The following SRC variants were observed in gnomAD, a reference collection of about 807,000 sequenced individuals.
SRC encodes the protein proto-oncogene tyrosine-protein kinase Src.
SRC carries 13 observed loss-of-function variants against 62.9 expected under a neutral mutation model. The ratio of observed to expected loss-of-function variants is 0.21; its 90% CI spans 0.13 to 0.33. SRC has a LOEUF of 0.33. Ranked by LOEUF, SRC falls within the 10% of genes least tolerant of loss-of-function variation. SRC has a pLI of 1.00. For synonymous variants in SRC, 302 were observed against 317.5 expected, an observed-to-expected ratio of 0.95 and a Z score of 0.52; for missense variants, 457 against 737.3, an observed-to-expected ratio of 0.62 and a Z score of 4.40.
At chr20:37,372,424 T>C (rs1420006060) in intron 2 of SRC, among the ~76,000 whole-genome samples, 1 of 152,234 alleles carries the variant, frequency 6.6e-6, no homozygotes, top group Admixed American at 6.5e-5. Flanking sequence ...TTTTTGGTGA[T>C]TTATTCTTTG....
chr20:37,386,318 C>T (rs1425381693), intron 5 of SRC, 144 bp downstream of exon 5: 4 of 825,210 alleles, frequency 4.8e-6, no homozygotes, highest in Admixed American at 1.9e-5. Flanking sequence ...GAGGCAGGCG[C>T]CTGCTGCACT....
chr20:37,376,981 T>G (rs2070288135), intron 2 of SRC, among the ~76,000 whole-genome samples: 1 of 152,222 alleles, frequency 6.6e-6, no homozygotes, highest in Admixed American at 6.5e-5. Flanking sequence ...ACCGTGAGCA[T>G]CCCAGCTCTG....
chr20:37,358,540 C>T (rs556544573), intron 1 of SRC, among the ~76,000 whole-genome samples: 1 of 152,340 alleles, frequency 6.6e-6, no homozygotes, highest in East Asian at 1.9e-4. Flanking sequence ...TCTCCTTGCC[C>T]TCTTCAGGCG....
chr20:37,346,634 C>T (rs899625554), intron 1 of SRC, among the ~76,000 whole-genome samples: 1 of 149,180 alleles, frequency 6.7e-6, no homozygotes, highest in African/African-American at 2.4e-5. Context: ...CCGCCTCTGC[C>T]TGGGCTGCCC....
intron 1 of SRC, among the ~76,000 whole-genome samples, chr20:37,356,326 G>A (rs1416450669): frequency 6.6e-6 from 1 of 152,208 alleles, no homozygotes; most frequent in Non-Finnish European, 1.5e-5. Flanking sequence ...GAGGGCCTGG[G>A]GGCCTGCTCC....
At chr20:37,391,330 G>A (rs1395204344) in intron 5 of SRC, among the ~76,000 whole-genome samples, 3 of 152,126 alleles carry the variant, frequency 2.0e-5, no homozygotes, top group East Asian at 1.9e-4. Context: ...GCCCTACTGT[G>A]CCTGGCTGTG....
At chr20:37,365,002 T>C (rs540170049) in intron 1 of SRC, among the ~76,000 whole-genome samples, 2 of 152,200 alleles carry the variant, frequency 1.3e-5, no homozygotes, top group African/African-American at 4.8e-5. Context: ...TGCTGGTCCT[T>C]GGAACACTTG....
At chr20:37,381,897 G>C (rs1279642738) in intron 2 of SRC, among the ~76,000 whole-genome samples, 1 of 152,146 alleles carries the variant, frequency 6.6e-6, no homozygotes, top group Non-Finnish European at 1.5e-5. Flanking sequence ...TCTCCCCAGG[G>C]CCTCCCCAAC....
rs2147050842 is a variant in SRC at position 37,384,362 on chromosome 20, C to T, written c.209C>T (p.Ser70Leu). Residue 70 changes from serine to leucine, a missense_variant, in exon 4 of 14, where the codon TCG (serine) becomes TTG (leucine). By Grantham distance (145) the Ser-to-Leu change is moderately radical. Transcript: ENST00000373578. The surrounding 1 kb of genome is among the most constrained non-coding windows in gnomAD (Gnocchi z 6.7). ...AAGCTGTTCGGAGGCTTCAACTCCT[C>T]GGACACCGTCACCTCCCCGCAGAGG... is the stretch of plus-strand genomic sequence containing the variant. ...EPKLFGGFNS[S>L]DTVTSPQRAG... is the part of the protein sequence containing the mutation. The T allele has an allele frequency of 6.8e-7, 1 of 1,462,156 alleles. No individual in the cohort carries two copies. Among genetic ancestry groups the T allele is most frequent in the Non-Finnish European group, 9.0e-7 (1 of 1,112,170 alleles). 90.6% of individuals were successfully genotyped at this position (1,462,156 alleles called of 1,614,324 possible).
At chr20:37,400,090 G>C in intron 9 of SRC, 25 bp from the exon 10 acceptor site, 10 of 1,569,304 alleles carry the variant, frequency 6.4e-6, no homozygotes, top group Non-Finnish European at 8.7e-6. Context: ...GCTCCACTGA[G>C]TCAGCCTGCA....
chr20:37,402,365 C>G lies in SRC; in HGVS notation c.1117-70C>G, dbSNP rs372161975. 1.4e-5 allele frequency: 22 copies of G among 1,567,070 alleles called. No individual in the cohort carries two copies. Among genetic ancestry groups the G allele is most frequent in the East Asian group, 1.4e-4 (6 of 44,316 alleles). On this transcript the variant is annotated intron_variant, in intron 11 of 13. Transcript: ENST00000373578. This position sits in a 1 kb window ranked among gnomAD's most constrained non-coding sequence, Gnocchi z 6.2. The stretch of plus-strand genomic sequence containing the variant: ...GGAAGGGGTGGTTGGCTCTCCAGCC[C>G]CAGAGTGCTCTGTGGCCCTGGGAGG...
Position 37,349,596 on chromosome 20 carries a change from G to A in SRC, c.-247+3341G>A, listed in dbSNP as rs114748303. 4.6e-3 allele frequency among the ~76,000 whole-genome samples: 703 copies of A among 152,364 alleles called. 7 individuals are homozygous for A. Among genetic ancestry groups the A allele is most frequent in the African/African-American group, 0.016 (676 of 41,576 alleles). On this transcript the variant is annotated intron_variant, in intron 1 of 13. Transcript: ENST00000373578. ...AGTGTCTGGCACCGGTAGGTACTTG[G>A]CAAATGGGACCTGCTTTGCGCTGTT... is the stretch of plus-strand genomic sequence containing the variant.
intron 2 of SRC, among the ~76,000 whole-genome samples, chr20:37,368,789 G>C (rs937306373): frequency 2.0e-5 from 3 of 151,802 alleles, no homozygotes; most frequent in South Asian, 2.1e-4. Context: ...CTGACCTCGT[G>C]ATCCGCCCGC....
At chr20:37,359,322 T>G (rs2069930672) in intron 1 of SRC, among the ~76,000 whole-genome samples, 1 of 152,226 alleles carries the variant, frequency 6.6e-6, no homozygotes, top group African/African-American at 2.4e-5. Context: ...GATCCCTGCT[T>G]TTGCAAAGCT....
chr20:37,400,719 G>A (rs1482489373), intron 10 of SRC, among the ~76,000 whole-genome samples: 2 of 152,064 alleles, frequency 1.3e-5, no homozygotes, highest in Admixed American at 6.5e-5. Context: ...ACTTTTTGGA[G>A]GTATAGTTTA....
Position 37,404,819 on chromosome 20 carries a change from G to A in SRC, c.*1440G>A, listed in dbSNP as rs550802233. ...TGTGGTGGATTCTCCCTGGGCCTCA[G>A]TGTGCCCATCTGTAAAGGGGCAGCT... On this transcript the variant is annotated 3_prime_UTR_variant, in exon 14 of 14. Coordinates refer to ENST00000373578, the MANE Select transcript of SRC (RefSeq NM_198291.3). 101 of 233,700 alleles carry A rather than the reference G, an allele frequency of 4.3e-4. No individual in the cohort carries two copies. Among genetic ancestry groups the A allele is most frequent in the African/African-American group, 2.1e-3 (94 of 45,484 alleles). 14.5% of individuals were successfully genotyped at this position (233,700 alleles called of 1,614,324 possible). A position where few individuals can be genotyped will look rare whatever the true frequency, so the allele number is the denominator to read the frequency against.
intron 5 of SRC, among the ~76,000 whole-genome samples, chr20:37,392,316 G>A (rs1402754363): frequency 1.3e-5 from 2 of 152,190 alleles, no homozygotes; most frequent in African/African-American, 4.8e-5. Context: ...CCTCCGACAG[G>A]TCCCTGGAGA....
Position 37,386,062 on chromosome 20 carries a change from C to G in SRC, c.251-13C>G, listed in dbSNP as rs529267520. 1 of 1,608,782 alleles carries G rather than the reference C, an allele frequency of 6.2e-7. No homozygotes were observed. The stretch of plus-strand genomic sequence containing the variant: ...GGCCCCACTGTTCTGACACACCCCA[C>G]CCCTCTCTGCAGGTGGAGTGACCAC... On this transcript the variant is annotated splice_polypyrimidine_tract_variant and intron_variant, in intron 4 of 13. Transcript: ENST00000373578.
At chr20:37,355,177 C>A (rs1204424847) in intron 1 of SRC, among the ~76,000 whole-genome samples, 1 of 152,134 alleles carries the variant, frequency 6.6e-6, no homozygotes, top group Non-Finnish European at 1.5e-5. Context: ...GATGCTGACT[C>A]CCCTGCCCTC....
Sources: gnomAD v4.1 joint callset for allele counts (sites outside exome capture counted in the v4.1 genomes callset) on GRCh38, gnomAD v4.1.1 for gene constraint, Gnocchi (gnomAD v3.1) non-coding constraint, MANE v1.5 for transcripts, NCBI Gene and HGNC (gene_info 2026-07-23, HGNC 2026-07-21) for gene names.